Variants in CTNNA2 observed in about 807,000 individuals in gnomAD.
CTNNA2 encodes catenin alpha 2.
In CTNNA2, 42 loss-of-function variants were observed where a neutral mutation model predicts 101.0. The observed-to-expected ratio is 0.42, with a 90% CI of 0.32 to 0.54. CTNNA2 has a LOEUF of 0.54. CTNNA2 is among the 20% of genes least tolerant of loss of function. CTNNA2 has a pLI of 0.14. For synonymous variants in CTNNA2, 450 were observed against 456.4 expected (o/e 0.99, Z 0.18); for missense variants, 871 against 1,223.1 (o/e 0.71, Z 4.29).
intron 7 of CTNNA2, among the ~76,000 whole-genome samples, chr2:80,254,216 C>A (rs1671969478): frequency 6.6e-6 from 1 of 151,980 alleles, no homozygotes; most frequent in East Asian, 1.9e-4. Flanking sequence ...TTTTTCTTAA[C>A]CTGTTTCATC....
chr2:79,798,637 T>G (rs1208140013), intron 3 of CTNNA2, among the ~76,000 whole-genome samples: 1 of 150,618 alleles, frequency 6.6e-6, no homozygotes, highest in East Asian at 2.0e-4. Flanking sequence ...ATCTAGAAAT[T>G]ACGATGTGAC....
intron 3 of CTNNA2, among the ~76,000 whole-genome samples, chr2:79,765,073 A>G (rs115927898): frequency 0.021 from 3,199 of 152,292 alleles, 95 homozygotes; most frequent in African/African-American, 0.072. Context: ...GGAGAAGGGC[A>G]TCATCCTTCA....
chr2:80,547,765 T>C (rs936570842), intron 11 of CTNNA2, among the ~76,000 whole-genome samples: 23 of 150,922 alleles, frequency 1.5e-4, no homozygotes, highest in African/African-American at 5.6e-4. Flanking sequence ...TCTTGACTCA[T>C]AGCAACTTCC....
intron 8 of CTNNA2, among the ~76,000 whole-genome samples, chr2:80,401,710 T>G (rs1490589285): frequency 2.0e-5 from 3 of 152,100 alleles, no homozygotes; most frequent in Non-Finnish European, 4.4e-5. Context: ...TGCAATCTCC[T>G]TGGCCTCTAT....
chr2:79,739,915 C>T (rs1468823729), intron 2 of CTNNA2, among the ~76,000 whole-genome samples: 1 of 152,180 alleles, frequency 6.6e-6, no homozygotes, highest in Non-Finnish European at 1.5e-5. Context: ...TAGGTGGATC[C>T]ATGGGACAAG....
At chr2:80,200,378 C>T (rs1707123364) in intron 7 of CTNNA2, among the ~76,000 whole-genome samples, 1 of 152,108 alleles carries the variant, frequency 6.6e-6, no homozygotes, top group South Asian at 2.1e-4. Flanking sequence ...AAATCAGTGG[C>T]CTTCCTCACT....
At chr2:80,498,616 T>C (rs1442573265) in intron 9 of CTNNA2, among the ~76,000 whole-genome samples, 1 of 152,216 alleles carries the variant, frequency 6.6e-6, no homozygotes, top group African/African-American at 2.4e-5. Flanking sequence ...AATTTCATAT[T>C]GTTTTTCCAC....
intron 8 of CTNNA2, among the ~76,000 whole-genome samples, chr2:80,416,587 T>A (rs995915320): frequency 2.2e-4 from 34 of 152,118 alleles, no homozygotes; most frequent in African/African-American, 2.4e-5. Context: ...TCCCCTATAA[T>A]TAAAATTACA....
intron 7 of CTNNA2, among the ~76,000 whole-genome samples, chr2:79,941,498 G>A (rs1688158237): frequency 6.6e-6 from 1 of 152,136 alleles, no homozygotes; most frequent in Non-Finnish European, 1.5e-5. Context: ...TCTCACTAAT[G>A]GTATTGCCCC....
At chr2:79,570,328 T>C (rs190525033) in intron 1 of CTNNA2, among the ~76,000 whole-genome samples, 15 of 152,254 alleles carry the variant, frequency 9.9e-5, no homozygotes, top group African/African-American at 2.6e-4. Context: ...AAAATCACAG[T>C]CTCAGGTGTT....
At chr2:80,560,454 G>C (rs146673373) in intron 12 of CTNNA2, among the ~76,000 whole-genome samples, 1 of 152,052 alleles carries the variant, frequency 6.6e-6, no homozygotes, top group East Asian at 1.9e-4. Flanking sequence ...GTTTTTTCCT[G>C]TATTGCCCAA....
At chr2:79,566,177 T>A (rs1051233219) in intron 1 of CTNNA2, among the ~76,000 whole-genome samples, 9 of 152,154 alleles carry the variant, frequency 5.9e-5, no homozygotes, top group African/African-American at 2.2e-4. Flanking sequence ...TATGTGAATG[T>A]GGTCTTCAAA....
At chr2:79,392,847 C>T (rs1303916427) in intron 4 of CTNNA2, among the ~76,000 whole-genome samples, 1 of 152,114 alleles carries the variant, frequency 6.6e-6, no homozygotes, top group Non-Finnish European at 1.5e-5. Context: ...AGGATGAAAT[C>T]ATCAGTAATA....
rs141819522 is a variant in CTNNA2 at position 79,717,590 on chromosome 2, C to T, written c.103-26797C>T. On this transcript the variant is annotated intron_variant, in intron 2 of 18. Transcript: ENST00000402739. ...TTCCTAAGATTCCATTGTCCTGAGC[C>T]ATCTAAACAGCAGTGTCTGCTATTC... Among the ~76,000 whole-genome samples the T allele has an allele frequency of 1.7e-3, 263 of 152,328 alleles. 2 individuals are homozygous for T. Among genetic ancestry groups the T allele is most frequent in the African/African-American group, 5.8e-3 (240 of 41,574 alleles).
rs141412774 is a variant in CTNNA2, at chr2:79,858,112, C to T, written c.398C>T (p.Ala133Val). The T allele has an allele frequency of 6.9e-5, 111 of 1,614,056 alleles. No homozygotes were observed. The African/African-American group carries it at 1.0e-3, about 15-fold the overall frequency. The change falls in exon 4 of 19, where the codon GCG becomes GTG. Residue 133 changes from alanine (A) to valine (V), a missense_variant. Physicochemically the swap from Ala to Val is moderately conservative, Grantham distance 64. Around this residue, in one of 5 missense-constraint regions of CTNNA2, gnomAD observed 647 missense variants for 831.5 expected, o/e 0.78. Coordinates refer to ENST00000402739, the MANE Select transcript of CTNNA2 (RefSeq NM_001282597.3). ...CGGGCGGCAAGGGCTTTGCTCTCCG[C>T]GGTGACACGCTTACTCATCCTGGCG... is the stretch of plus-strand genomic sequence containing the variant. ...MVRAARALLSAVTRLLILADM... is the reference protein window; with the variant it reads ...MVRAARALLSVVTRLLILADM...
At chr2:80,049,503 C>A (rs1696734202) in intron 7 of CTNNA2, among the ~76,000 whole-genome samples, 1 of 152,176 alleles carries the variant, frequency 6.6e-6, no homozygotes, top group African/African-American at 2.4e-5. Flanking sequence ...AGCTCATGCA[C>A]CTAGCTGGCT....
At chr2:79,411,463 A>T (rs1484050831) in intron 4 of CTNNA2, among the ~76,000 whole-genome samples, 1 of 151,998 alleles carries the variant, frequency 6.6e-6, no homozygotes, top group Non-Finnish European at 1.5e-5. Flanking sequence ...CAAAGTCGAA[A>T]TGAAGGAAAA....
At chr2:79,333,838 A>G (rs1391257546) in intron 3 of CTNNA2, among the ~76,000 whole-genome samples, 1 of 152,104 alleles carries the variant, frequency 6.6e-6, no homozygotes, top group Non-Finnish European at 1.5e-5. Context: ...GCACAAATAA[A>G]CTAGAGATGA....
intron 3 of CTNNA2, among the ~76,000 whole-genome samples, chr2:79,770,604 G>A (rs1673503116): frequency 6.6e-6 from 1 of 152,122 alleles, no homozygotes; most frequent in South Asian, 2.1e-4. Context: ...GCAAATGTCA[G>A]TATTTAACAT....
Sources: gnomAD v4.1 joint callset for allele counts (sites outside exome capture counted in the v4.1 genomes callset) on GRCh38, gnomAD v4.1.1 for gene constraint, gnomAD v4.1.1 regional missense constraint, MANE v1.5 for transcripts, NCBI Gene and HGNC (gene_info 2026-07-23, HGNC 2026-07-21) for gene names.